HK3: variants seen among roughly 807,000 people sequenced by gnomAD.
HK3 encodes hexokinase-3.
HK3 carries 93 observed loss-of-function variants against 91.0 expected under a neutral mutation model. That is an observed-to-expected ratio of 1.02 (90% CI 0.86 to 1.21). HK3 has a LOEUF of 1.21. Among genes scored for constraint, HK3 ranks in the 50% most tolerant of loss-of-function variants. The probability of loss-of-function intolerance (pLI) is 0.00; values close to 1 mark genes in which losing one functional copy is unlikely to be tolerated. For synonymous variants in HK3, 519 were observed against 516.9 expected, an observed-to-expected ratio of 1.00 and a Z score of -0.06; for missense variants, 1,235 against 1,247.4, an observed-to-expected ratio of 0.99 and a Z score of 0.15.
rs763539962 is a variant in HK3 at position 176,881,081 on chromosome 5, G to A, written c.2764C>T (p.Arg922Cys). The A allele has an allele frequency of 1.2e-5, 19 of 1,602,360 alleles. No individual in the cohort carries two copies. The Middle Eastern group carries it at 5.0e-4, about 43-fold the overall frequency. The change falls in exon 19 of 19, where the codon CGT (arginine) becomes TGT (cysteine). Residue 922 changes from arginine (R) to cysteine (C), a missense_variant. Arg to Cys is a radical substitution (Grantham distance 180). Coordinates refer to ENST00000292432, the MANE Select transcript of HK3 (RefSeq NM_002115.3). ...TCAGCCTGGAGGTTTCCTCAGACACGAGTCAACTGCGCAAGGCGGCAGGCA... is the reference window on the plus strand; with the variant it reads ...TCAGCCTGGAGGTTTCCTCAGACACAAGTCAACTGCGCAAGGCGGCAGGCA... Reference protein sequence around the residue: ...AVACRLAQLTRV With the variant: ...AVACRLAQLTCV
Position 176,883,811 on chromosome 5 carries a change from C to CAGG in HK3, c.2009_2011dup (p.Ser670dup), listed in dbSNP as rs1758507538. The stretch of plus-strand genomic sequence containing the variant: ...CTCGCAACGGGGGTCCTCATAGCCA[C>CAGG]AGGACATCATGGTCCCCACCGTGTC... On this transcript the variant is annotated inframe_insertion, in exon 15 of 19. Coordinates refer to ENST00000292432, the MANE Select transcript of HK3 (RefSeq NM_002115.3). The CAGG allele has an allele frequency of 1.2e-6, 2 of 1,614,130 alleles. No homozygotes were observed. Among genetic ancestry groups the CAGG allele is most frequent in the Non-Finnish European group, 1.7e-6 (2 of 1,180,022 alleles).
chr5:176,894,921 C>T (rs1340747657), intron 2 of HK3, among the ~76,000 whole-genome samples: 9 of 151,004 alleles, frequency 6.0e-5, no homozygotes, highest in Admixed American at 2.6e-4. Flanking sequence ...GGACTACAGG[C>T]GCCTGCCACC....
rs201720639 is a variant in HK3, at chr5:176,881,387, C to T, written c.2542G>A (p.Val848Met). ...QLCGAGVAAV[V>M]EKIRENRGLE... ...CCCCGGTTCTCCCGGATCTTCTCCA[C>T]CACGGCAGCTACACCCGCCCCACAG... The change falls in exon 18 of 19, where the codon GTG (valine) becomes ATG (methionine). Residue 848 changes from valine (V) to methionine (M), a missense_variant. This residue lies in a region of HK3 where 513 missense variants were observed against 477.4 expected (regional missense o/e 1.07). Transcript: ENST00000292432. 8 of 1,613,822 alleles carry T rather than the reference C, an allele frequency of 5.0e-6. No individual in the cohort carries two copies. In the East Asian group the frequency reaches 1.8e-4, roughly 36 times the overall value.
At position 176,881,124 on chromosome 5, in the gene HK3, C is replaced by T. The variant is rs777834650; in HGVS notation, c.2721G>A (p.Ala907=). Residue 907 remains alanine (A), a synonymous_variant, in exon 19 of 19, where the codon GCG becomes GCA. Transcript: ENST00000292432. ...LQSEDGSGKG[A]ALVTAVACRL... is the part of the protein sequence containing the mutation. Reference sequence around the variant, plus strand: ...GGCAGGCAACAGCGGTGACCAGGGCCGCACCTTTGCCGGACCCATCCTCTG... The same window carrying T: ...GGCAGGCAACAGCGGTGACCAGGGCTGCACCTTTGCCGGACCCATCCTCTG... 72 of 1,612,806 alleles carry T rather than the reference C, an allele frequency of 4.5e-5. No individual in the cohort carries two copies. Among genetic ancestry groups the T allele is most frequent in the Middle Eastern group, 3.3e-4 (2 of 6,080 alleles).
rs1758622936 is a variant in HK3 at position 176,887,376 on chromosome 5, G to A, written c.1601-39C>T. 8 of 1,613,436 alleles carry A rather than the reference G, an allele frequency of 5.0e-6. No homozygotes were observed. The highest frequency in any genetic ancestry group is 6.8e-6 in the Non-Finnish European group (8 of 1,180,018). On this transcript the variant is annotated intron_variant, in intron 11 of 18. Coordinates refer to ENST00000292432, the MANE Select transcript of HK3 (RefSeq NM_002115.3). The surrounding 1 kb of genome is among the most constrained non-coding windows in gnomAD (Gnocchi z 4.9). ...GACCCTCAGTGCCGGGATAGGGCTT[G>A]TGGCTCCAGCCCCAGCACACACTGG...
rs764361216 is a variant in HK3, at chr5:176,890,840, G to T, written c.516C>A (p.His172Gln). 4 of 1,614,164 alleles carry T rather than the reference G, an allele frequency of 2.5e-6. No homozygotes were observed. Among genetic ancestry groups the T allele is most frequent in the Non-Finnish European group, 2.5e-6 (3 of 1,180,030 alleles). ...QLGFSFSFPC[H>Q]QTGLDRSTLI... ...ACCTCACCCTGTCCAAGCCCGTCTG[G>T]TGACAAGGGAAAGAGAAGCTGAAGC... is the stretch of plus-strand genomic sequence containing the variant. The change falls in exon 5 of 19, where the codon CAC becomes CAA. Residue 172 changes from histidine to glutamine, a missense_variant. Physicochemically the swap from His to Gln is conservative, Grantham distance 24. Transcript: ENST00000292432.
At chr5:176,889,014 G>A in intron 8 of HK3, 150 bp from the exon 9 acceptor site, 1 of 865,766 alleles carries the variant, frequency 1.2e-6, no homozygotes, top group Non-Finnish European at 1.7e-6. Flanking sequence ...CAGAGGACAG[G>A]TGGGTGTATG....
At chr5:176,898,727 T>C (rs565703566) in intron 1 of HK3, among the ~76,000 whole-genome samples, 226 of 152,336 alleles carry the variant, frequency 1.5e-3, no homozygotes, top group Non-Finnish European at 2.8e-3. Context: ...GCCCAGGGTC[T>C]GTTTGCCTAA....
rs200480878 is a variant in HK3, at chr5:176,887,267, T to A, written c.1671A>T (p.Thr557=). The change falls in exon 12 of 19, where the codon ACA becomes ACT. Residue 557 remains threonine, a synonymous_variant. Transcript: ENST00000292432. This position sits in a 1 kb window ranked among gnomAD's most constrained non-coding sequence, Gnocchi z 4.9. ...NFRVLLVRVT[T]GVQITSEIYS... is the part of the protein sequence containing the mutation. ...AGATCTCGCTGGTGATCTGCACGCC[T>A]GTGGTCACACGTACCAGGAGGACAC... The A allele has an allele frequency of 9.4e-6, 15 of 1,598,528 alleles. No individual in the cohort carries two copies. The South Asian group carries it at 9.9e-5, about 11-fold the overall frequency.
rs112694326 is a variant in HK3, at chr5:176,891,487, G to T, written c.160C>A (p.Leu54Ile). The T allele has an allele frequency of 8.4e-4, 1,362 of 1,614,176 alleles. 19 individuals are homozygous for T. The African/African-American group carries it at 0.015, about 18-fold the overall frequency. The change falls in exon 3 of 19, where the codon CTC becomes ATC. Residue 54 changes from leucine to isoleucine, a missense_variant. Coordinates refer to ENST00000292432, the MANE Select transcript of HK3 (RefSeq NM_002115.3). ...AGCGCCTGCTCCATGGAACCCAAGA[G>T]GCTGGCTTGGATCTGCTGTAGCTGT... ...RAQLQQIQAS[L>I]LGSMEQALRG...
At position 176,889,424 on chromosome 5, in the gene HK3, C is replaced by A. The variant is rs61740251; in HGVS notation, c.871G>T (p.Asp291Tyr). The part of the protein sequence containing the change: ...GALGPVLTTF[D>Y]HTLDHESLNP... The stretch of plus-strand genomic sequence containing the variant: ...AGGGACTCATGGTCCAGGGTATGGT[C>A]GAAGGTGGTCAGCACTGGTCCCAGC... Residue 291 changes from aspartate to tyrosine, a missense_variant, in exon 8 of 19, where the codon GAC becomes TAC. By Grantham distance (160) the Asp-to-Tyr change is radical. Transcript: ENST00000292432. The A allele has an allele frequency of 2.3e-4, 375 of 1,614,066 alleles. No homozygotes were observed. Among genetic ancestry groups the A allele is most frequent in the Non-Finnish European group, 3.0e-4 (354 of 1,180,036 alleles).
intron 10 of HK3, 134 bp downstream of exon 10, chr5:176,888,198 A>C (rs1046933940): frequency 9.7e-6 from 7 of 723,778 alleles, no homozygotes; most frequent in Non-Finnish European, 1.7e-5. Flanking sequence ...CCCATAGCTC[A>C]GTCTGGCCCT....
chr5:176,883,750 A>C lies in HK3; in HGVS notation c.2053+20T>G, dbSNP rs774624506. On this transcript the variant is annotated intron_variant, in intron 15 of 18. Coordinates refer to ENST00000292432, the MANE Select transcript of HK3 (RefSeq NM_002115.3). ...AAATTGCCAAGCAGTAGGGGCATGA[A>C]AGGGCAGGGCCCTCCTCACCGACAA... is the stretch of plus-strand genomic sequence containing the variant. 1.3e-6 allele frequency: 2 copies of C among 1,595,058 alleles called. No individual in the cohort carries two copies. The highest frequency in any genetic ancestry group is 8.6e-7 in the Non-Finnish European group (1 of 1,163,220).
intron 1 of HK3, among the ~76,000 whole-genome samples, chr5:176,897,972 T>C (rs1758946714): frequency 6.6e-6 from 1 of 152,214 alleles, no homozygotes; most frequent in African/African-American, 2.4e-5. Flanking sequence ...AGCTCTTCTG[T>C]TCTCCACCTT....
intron 8 of HK3, 122 bp downstream of exon 8, chr5:176,889,259 T>G (rs1049850915): frequency 6.1e-6 from 7 of 1,150,448 alleles, no homozygotes; most frequent in African/African-American, 1.5e-5. Context: ...GGTTGCTCCC[T>G]GGAGACCCTC....
In HK3 at chr5:176,881,930, G is replaced by A. The variant is rs1434020321; in HGVS notation, c.2237+14C>T. On this transcript the variant is annotated intron_variant, in intron 16 of 18. Coordinates refer to ENST00000292432, the MANE Select transcript of HK3 (RefSeq NM_002115.3). ...GGTCACAGCCAGCCACCACTGCCTG[G>A]GCCCAGCCCACACCTCTGCTTGCCG... 1 of 1,612,732 alleles carries A rather than the reference G, an allele frequency of 6.2e-7. No individual in the cohort carries two copies.
intron 8 of HK3, 77 bp from the exon 9 acceptor site, chr5:176,888,941 AAAG>A (rs894710306): frequency 1.3e-5 from 19 of 1,509,554 alleles, no homozygotes; most frequent in Non-Finnish European, 1.5e-5. Context: ...AAGAGTTCCC[AAAG>A]AAGGATTCTT....
chr5:176,894,566 G>A (rs1384181889), intron 2 of HK3, among the ~76,000 whole-genome samples: 1 of 152,194 alleles, frequency 6.6e-6, no homozygotes, highest in Non-Finnish European at 1.5e-5. Flanking sequence ...AGGCACGGCT[G>A]TGGGTCAGGC....
intron 8 of HK3, 104 bp downstream of exon 8, chr5:176,889,277 C>T (rs1240776765): frequency 7.7e-7 from 1 of 1,299,604 alleles, no homozygotes; most frequent in Non-Finnish European, 1.1e-6. Flanking sequence ...CTCAGAGTGA[C>T]AGGGAGGGGC....
Sources: gnomAD v4.1 joint callset for allele counts (sites outside exome capture counted in the v4.1 genomes callset) on GRCh38, gnomAD v4.1.1 for gene constraint, gnomAD v4.1.1 regional missense constraint, Gnocchi (gnomAD v3.1) non-coding constraint, MANE v1.5 for transcripts, NCBI Gene and HGNC (gene_info 2026-07-23, HGNC 2026-07-21) for gene names.